REST: variants seen among roughly 807,000 people sequenced by gnomAD.
REST encodes RE1 silencing transcription factor, also known as RE1-silencing transcription factor.
A neutral mutation model predicts 30.4 loss-of-function variants in REST; 1 was observed. The ratio of observed to expected loss-of-function variants is 0.03; its 90% CI spans 0.01 to 0.16. The LOEUF is 0.16. Ranked by LOEUF, REST falls within the 10% of genes least tolerant of loss-of-function variation. REST has a pLI of 1.00. For missense variants in REST, 1,259 were observed against 1,329.5 expected (o/e 0.95, Z 0.82); for synonymous variants, 504 against 451.1 (o/e 1.12, Z -1.49).
At chr4:56,921,886 T>C (rs1169443581) in intron 3 of REST, among the ~76,000 whole-genome samples, 1 of 152,248 alleles carries the variant, frequency 6.6e-6, no homozygotes, top group African/African-American at 2.4e-5. Flanking sequence ...CTTTGTGGTA[T>C]GACTACTAGA....
chr4:56,927,233 A>AT (rs1178450515), intron 3 of REST, among the ~76,000 whole-genome samples: 1 of 152,202 alleles, frequency 6.6e-6, no homozygotes, highest in Non-Finnish European at 1.5e-5. Flanking sequence ...CTTAGGCCTT[A>AT]TGCTACCTAT....
At chr4:56,921,881 T>C (rs2109551297) in intron 3 of REST, among the ~76,000 whole-genome samples, 1 of 152,362 alleles carries the variant, frequency 6.6e-6, no homozygotes, top group African/African-American at 2.4e-5. Context: ...TTTACCTTTG[T>C]GGTATGACTA....
chr4:56,922,696 G>T lies in REST; in HGVS notation c.982+2826G>T, dbSNP rs989156076. Among the ~76,000 whole-genome samples the T allele has an allele frequency of 7.9e-5, 12 of 152,144 alleles. No individual in the cohort carries two copies. The East Asian group carries it at 1.5e-3, about 20-fold the overall frequency. On this transcript the variant is annotated intron_variant, in intron 3 of 3. Coordinates refer to ENST00000309042, the MANE Select transcript of REST (RefSeq NM_005612.5). ...TTCTATTATCCCCATTTTACAGTTG[G>T]GGAATGTAGGGCATTGAAAAAAATA...
chr4:56,925,595 T>C (rs1028709021), intron 3 of REST, among the ~76,000 whole-genome samples: 5 of 152,158 alleles, frequency 3.3e-5, no homozygotes, highest in Non-Finnish European at 7.3e-5. Context: ...CACCTATAAA[T>C]TCATTTCGGA....
chr4:56,929,736 A>AT lies in REST; in HGVS notation c.983-101dup, dbSNP rs1410389530. 117 of 978,052 alleles carry AT rather than the reference A, an allele frequency of 1.2e-4. 1 individual carries two copies. In the South Asian group the frequency reaches 1.8e-3, roughly 15 times the overall value. 60.6% of individuals were successfully genotyped at this position (978,052 alleles called of 1,614,324 possible). On this transcript the variant is annotated intron_variant, in intron 3 of 3. Transcript: ENST00000309042. ...GTAAATGTAAGGTGCATGATACAGC[A>AT]TTTTAAATAGTCTTTGTTGTTACTT...
At chr4:56,915,272 G>C (rs1720143127) in intron 2 of REST, among the ~76,000 whole-genome samples, 1 of 120,202 alleles carries the variant, frequency 8.3e-6, no homozygotes, top group Admixed American at 1.0e-4. Context: ...TTGAGATGGA[G>C]TCTTGCTCTG....
At chr4:56,915,465 G>T (rs1408629475) in intron 2 of REST, among the ~76,000 whole-genome samples, 1 of 151,876 alleles carries the variant, frequency 6.6e-6, no homozygotes, top group Non-Finnish European at 1.5e-5. Context: ...GGCCAGGCTG[G>T]TCTCGACCTC....
rs561356399 is a variant in REST at position 56,934,681 on chromosome 4, A to G, written c.*2529A>G. The G allele has an allele frequency of 6.6e-6, 1 of 152,304 alleles. No homozygotes were observed. Among genetic ancestry groups the G allele is most frequent in the South Asian group, 2.1e-4 (1 of 4,830 alleles). The allele number at this position is 152,304 out of a possible 1,614,324, so 9.4% of individuals were successfully genotyped here. On this transcript the variant is annotated 3_prime_UTR_variant, in exon 4 of 4. Coordinates refer to ENST00000309042, the MANE Select transcript of REST (RefSeq NM_005612.5). The stretch of plus-strand genomic sequence containing the variant: ...TTGAAAAATGTGATGTTTGCATGGA[A>G]CTGTTTGAAACTTTTTTATTTTCTA...
chr4:56,922,274 TTG>T, intron 3 of REST: 1 of 140,148 alleles, frequency 7.1e-6, no homozygotes, highest in Non-Finnish European at 1.5e-5. Context: ...TTTGAGAGCT[TTG>T]TATTATTATT....
Position 56,911,385 on chromosome 4 carries a change from G to T in REST, c.747G>T (p.Lys249Asn). The change falls in exon 2 of 4, where the codon AAG (lysine) becomes AAT (asparagine). Residue 249 changes from lysine to asparagine, a missense_variant. This residue lies in a region of REST where 125 missense variants were observed against 255.4 expected (regional missense o/e 0.49). Coordinates refer to ENST00000309042, the MANE Select transcript of REST (RefSeq NM_005612.5). The stretch of plus-strand genomic sequence containing the variant: ...CTGGGGATAATGAGCGAGTCTACAA[G>T]TGTATCATTTGCACATACACAACAG... ...TRAGDNERVY[K>N]CIICTYTTVS... 6.2e-7 allele frequency: 1 copy of T among 1,614,186 alleles called. No individual in the cohort carries two copies. Among genetic ancestry groups the T allele is most frequent in the East Asian group, 2.2e-5 (1 of 44,884 alleles).
chr4:56,923,513 G>A (rs1308607276), intron 3 of REST, among the ~76,000 whole-genome samples: 3 of 151,944 alleles, frequency 2.0e-5, no homozygotes, highest in East Asian at 3.9e-4. Flanking sequence ...GTGCGATCTC[G>A]GCTCACTGCA....
chr4:56,925,457 C>G (rs1720657405), intron 3 of REST, among the ~76,000 whole-genome samples: 2 of 152,140 alleles, frequency 1.3e-5, no homozygotes. Flanking sequence ...AGCAATCTTC[C>G]TCACCTCATC....
chr4:56,930,247 A>G lies in REST; in HGVS notation c.1389A>G (p.Glu463=). 1 of 1,607,258 alleles carries G rather than the reference A, an allele frequency of 6.2e-7. No homozygotes were observed. Among genetic ancestry groups the G allele is most frequent in the East Asian group, 2.2e-5 (1 of 44,862 alleles). Residue 463 remains glutamate, a synonymous_variant, in exon 4 of 4, where the codon GAA becomes GAG. Transcript: ENST00000309042. ...IKGDVAGKKN[E]KSVKAEKRDV... ...GGGATGTGGCTGGAAAGAAAAATGA[A>G]AAGTCCGTCAAAGCAGAGAAAAGAG... is the stretch of plus-strand genomic sequence containing the variant.
At chr4:56,917,181 CAT>C (rs1720238252) in intron 2 of REST, among the ~76,000 whole-genome samples, 1 of 152,116 alleles carries the variant, frequency 6.6e-6, no homozygotes, top group Non-Finnish European at 1.5e-5. Context: ...ATTCCATTAA[CAT>C]AAAACTATCT....
chr4:56,935,474 C>T lies in REST; in HGVS notation c.*3322C>T, dbSNP rs1237809737. The stretch of plus-strand genomic sequence containing the variant: ...AGTTTCACATGTGTACATAGGTTCC[C>T]TCCCGGTCCCTTCCATATCCATTAG... On this transcript the variant is annotated 3_prime_UTR_variant, in exon 4 of 4. Coordinates refer to ENST00000309042, the MANE Select transcript of REST (RefSeq NM_005612.5). 3.3e-5 allele frequency: 5 copies of T among 152,174 alleles called. No homozygotes were observed. Among genetic ancestry groups the T allele is most frequent in the Non-Finnish European group, 7.4e-5 (5 of 68,026 alleles). 9.4% of individuals were successfully genotyped at this position (152,174 alleles called of 1,614,324 possible). A position where few individuals can be genotyped will look rare whatever the true frequency, so the allele number is the denominator to read the frequency against.
At chr4:56,918,584 GCT>G (rs982887790) in intron 2 of REST, among the ~76,000 whole-genome samples, 2 of 151,920 alleles carry the variant, frequency 1.3e-5, no homozygotes, top group African/African-American at 4.8e-5. Context: ...TTAGAGACAG[GCT>G]CTCTCTCTGT....
chr4:56,910,765 G>T lies in REST; in HGVS notation c.127G>T (p.Ala43Ser). Residue 43 changes from alanine to serine, a missense_variant, in exon 2 of 4, where the codon GCA becomes TCA. Physicochemically the swap from Ala to Ser is moderately conservative, Grantham distance 99 (BLOSUM62 1). Transcript: ENST00000309042. ...TGACCTTTCCAAAGCTGAACTGGCC[G>T]CACCTCAGCTTATTATGCTGGCAAA... is the stretch of plus-strand genomic sequence containing the variant. ...LHDLSKAELA[A>S]PQLIMLANVA... is the part of the protein sequence containing the mutation. 2 of 1,614,198 alleles carry T rather than the reference G, an allele frequency of 1.2e-6. No individual in the cohort carries two copies. The highest frequency in any genetic ancestry group is 1.7e-6 in the Non-Finnish European group (2 of 1,180,038).
intron 3 of REST, 60 bp downstream of exon 3, chr4:56,919,930 C>CT: frequency 3.8e-6 from 3 of 798,762 alleles, no homozygotes; most frequent in Non-Finnish European, 6.0e-6. Context: ...TAAGGAAATT[C>CT]TTTTAGACTT....
chr4:56,916,545 G>A (rs973416746), intron 2 of REST, among the ~76,000 whole-genome samples: 1 of 152,176 alleles, frequency 6.6e-6, no homozygotes, highest in Middle Eastern at 3.4e-3. Context: ...GCTGAGGCAG[G>A]AGAATCACTT....
Sources: gnomAD v4.1 joint callset for allele counts (sites outside exome capture counted in the v4.1 genomes callset) on GRCh38, gnomAD v4.1.1 for gene constraint, gnomAD v4.1.1 regional missense constraint, MANE v1.5 for transcripts, NCBI Gene and HGNC (gene_info 2026-07-23, HGNC 2026-07-21) for gene names.